The following PCDH11X variants were observed in gnomAD, a reference collection of about 807,000 sequenced individuals.
The protein encoded by PCDH11X is protocadherin-11 X-linked.
Under a neutral mutation model 53.3 loss-of-function variants are expected in PCDH11X, and 18 were observed. The ratio of observed to expected loss-of-function variants is 0.34; its 90% confidence interval spans 0.23 to 0.50. PCDH11X has a LOEUF of 0.50. Among genes scored for constraint, PCDH11X ranks in the 20% least tolerant of loss-of-function variants. PCDH11X has a pLI of 0.98. For synonymous variants in PCDH11X, 279 were observed against 393.3 expected (o/e 0.71, Z 3.44); for missense variants, 570 against 1,032.4 (o/e 0.55, Z 6.14).
At chrX:92,127,718 T>G (rs1267424781) in intron 6 of PCDH11X, among the ~76,000 whole-genome samples, 1 of 109,676 alleles carries the variant, frequency 9.1e-6, no homozygotes, top group Non-Finnish European at 1.9e-5. Context: ...AGACGGGGTT[T>G]CACCATGTTA....
chrX:91,892,853 T>C (rs1424694314), intron 6 of PCDH11X, among the ~76,000 whole-genome samples: 2 of 110,299 alleles, frequency 1.8e-5, no homozygotes, highest in Non-Finnish European at 3.8e-5. Context: ...GGTTACACCC[T>C]GTTGACCAAC....
At chrX:92,010,990 T>C (rs896629044) in intron 6 of PCDH11X, among the ~76,000 whole-genome samples, 1 of 111,202 alleles carries the variant, frequency 9.0e-6, no homozygotes, top group Non-Finnish European at 1.9e-5. Flanking sequence ...GGATTCCTGT[T>C]CCTGTGCTAA....
intron 8 of PCDH11X, among the ~76,000 whole-genome samples, chrX:92,301,251 A>G (rs1456260321): frequency 9.2e-6 from 1 of 108,109 alleles, no homozygotes; most frequent in East Asian, 2.9e-4. Context: ...AACTGCAAGT[A>G]GGCGTGGCCA....
intron 8 of PCDH11X, among the ~76,000 whole-genome samples, chrX:92,332,493 G>A (rs2069515510): frequency 9.0e-6 from 1 of 111,231 alleles, no homozygotes; most frequent in African/African-American, 3.3e-5. Context: ...GAGCTCCTAT[G>A]TGTTTATTAA....
intron 6 of PCDH11X, among the ~76,000 whole-genome samples, chrX:91,999,540 A>G (rs1293762669): frequency 9.0e-6 from 1 of 111,538 alleles, no homozygotes; most frequent in African/African-American, 3.3e-5. Context: ...AAAATGTTAC[A>G]TAAACAGCAT....
intron 7 of PCDH11X, among the ~76,000 whole-genome samples, chrX:92,250,173 A>G (rs1042671920): frequency 1.8e-5 from 2 of 111,800 alleles, no homozygotes; most frequent in Non-Finnish European, 1.9e-5. Flanking sequence ...TAGAATAGTT[A>G]TGCTACATAA....
At chrX:92,555,048 A>C (rs1193327182) in intron 10 of PCDH11X, among the ~76,000 whole-genome samples, 1 of 111,734 alleles carries the variant, frequency 8.9e-6, no homozygotes, top group Non-Finnish European at 1.9e-5. Flanking sequence ...GGGTTTCGCG[A>C]CGTATATTTT....
chrX:92,416,101 G>A (rs1256988476), intron 9 of PCDH11X, among the ~76,000 whole-genome samples: 2 of 110,187 alleles, frequency 1.8e-5, no homozygotes, highest in Non-Finnish European at 3.8e-5. Flanking sequence ...TATTTTCTTA[G>A]GTCAAACTAT....
At chrX:92,268,150 A>G (rs2067873633) in intron 8 of PCDH11X, among the ~76,000 whole-genome samples, 1 of 112,466 alleles carries the variant, frequency 8.9e-6, no homozygotes, top group Non-Finnish European at 1.9e-5. Flanking sequence ...CTTATTTTAG[A>G]GAAGGATTAT....
At chrX:92,113,985 A>G (rs1304256458) in intron 6 of PCDH11X, 5 of 1,206,476 alleles carry the variant, frequency 4.1e-6, no homozygotes, top group Non-Finnish European at 5.6e-6. Context: ...ACACACAGCT[A>G]GGGGTACCCA....
intron 7 of PCDH11X, among the ~76,000 whole-genome samples, chrX:92,233,637 C>G (rs1198424411): frequency 9.0e-6 from 1 of 111,415 alleles, no homozygotes; most frequent in Non-Finnish European, 1.9e-5. Flanking sequence ...ACAGAAAAAA[C>G]AATTATTTTC....
chrX:92,271,615 G>A (rs936820878), intron 8 of PCDH11X, among the ~76,000 whole-genome samples: 2 of 111,737 alleles, frequency 1.8e-5, no homozygotes, highest in Non-Finnish European at 3.8e-5. Context: ...TCCCTATGGA[G>A]AGAATATTTC....
chrX:91,852,372 A>G (rs1938082224), intron 5 of PCDH11X, among the ~76,000 whole-genome samples: 1 of 107,950 alleles, frequency 9.3e-6, no homozygotes, highest in Non-Finnish European at 1.9e-5. Flanking sequence ...ACAAGATACG[A>G]AAGTCTAAAC....
intron 9 of PCDH11X, among the ~76,000 whole-genome samples, chrX:92,443,829 G>A (rs1429719873): frequency 1.8e-5 from 2 of 111,223 alleles, no homozygotes; most frequent in African/African-American, 3.3e-5. Flanking sequence ...AAGATAAGAT[G>A]GTTTCATGTA....
chrX:92,099,046 A>T (rs2064193278), intron 6 of PCDH11X, among the ~76,000 whole-genome samples: 1 of 112,306 alleles, frequency 8.9e-6, no homozygotes, highest in Non-Finnish European at 1.9e-5. Context: ...AAGCATGTTT[A>T]CAAAGTATAG....
At chrX:92,101,772 G>T (rs1479182634) in intron 6 of PCDH11X, among the ~76,000 whole-genome samples, 4 of 110,003 alleles carry the variant, frequency 3.6e-5, no homozygotes, top group Non-Finnish European at 7.6e-5. Flanking sequence ...AGTCCTGGGT[G>T]GGGGCAAATC....
chrX:92,284,274 G>T (rs2068312755), intron 8 of PCDH11X, among the ~76,000 whole-genome samples: 3 of 109,465 alleles, frequency 2.7e-5, no homozygotes, highest in African/African-American at 1.0e-4. Flanking sequence ...ATTTATTCCT[G>T]CTAGTTCTAA....
At chrX:92,405,963 C>T (rs2071499779) in intron 9 of PCDH11X, among the ~76,000 whole-genome samples, 2 of 108,555 alleles carry the variant, frequency 1.8e-5, no homozygotes, top group Admixed American at 9.9e-5. Context: ...GGCGTGGTGG[C>T]GGGCGCCTGT....
chrX:92,000,125 C>G (rs2062485555), intron 6 of PCDH11X, among the ~76,000 whole-genome samples: 1 of 111,145 alleles, frequency 9.0e-6, no homozygotes, highest in Non-Finnish European at 1.9e-5. Context: ...CATACAAAGC[C>G]TACCCTGAAG....
Sources: allele counts gnomAD v4.1 joint callset (sites outside exome capture counted in the v4.1 genomes callset), GRCh38; gene constraint gnomAD v4.1.1; transcripts MANE v1.5; gene names NCBI Gene and HGNC (gene_info 2026-07-23, HGNC 2026-07-21).